The following PCDH15 variants were observed in gnomAD, a reference collection of about 807,000 sequenced individuals.
PCDH15 encodes the protein protocadherin related 15.
Under a neutral mutation model 178.5 loss-of-function variants are expected in PCDH15, and 129 were observed. That is an observed-to-expected ratio of 0.72 (90% CI 0.63 to 0.84). The LOEUF (loss-of-function observed/expected upper bound fraction) is 0.84, where lower values mean the gene tolerates loss of function less well. Ranked by LOEUF, PCDH15 falls within the 40% of genes least tolerant of loss-of-function variation. The pLI is 0.00. For synonymous variants in PCDH15, 800 were observed against 732.0 expected, an observed-to-expected ratio of 1.09 and a Z score of -1.50; for missense variants, 2,230 against 2,099.9, an observed-to-expected ratio of 1.06 and a Z score of -1.21.
intron 8 of PCDH15, among the ~76,000 whole-genome samples, chr10:54,276,926 A>G (rs1476646161): frequency 1.3e-5 from 2 of 151,674 alleles, no homozygotes; most frequent in African/African-American, 4.8e-5. Flanking sequence ...TATTTCTTGT[A>G]TCTACAAGTA....
chr10:55,531,379 A>G (rs1453257323), intron 2 of PCDH15, among the ~76,000 whole-genome samples: 1 of 152,010 alleles, frequency 6.6e-6, no homozygotes, highest in East Asian at 1.9e-4. Context: ...TTTCCTCATA[A>G]AAATAGGTAA....
chr10:54,755,947 G>T (rs112621875), intron 1 of PCDH15, among the ~76,000 whole-genome samples: 21,618 of 151,840 alleles, frequency 0.14, 1,655 homozygotes, highest in Middle Eastern at 0.21. Context: ...GAGACAAGGC[G>T]CGGTAGCTCA....
chr10:55,089,236 G>A lies in PCDH15; in HGVS notation c.-80+77340C>T, dbSNP rs139600961. On this transcript the variant is annotated intron_variant, in intron 2 of 5. Coordinates refer to the PCDH15 transcript ENST00000458638. Reference sequence around the variant, plus strand: ...CATGTTATTTCACAATACAATCATCGAATCACAACTTGGACCTAGTTTATA... The same window carrying A: ...CATGTTATTTCACAATACAATCATCAAATCACAACTTGGACCTAGTTTATA... 7.2e-4 allele frequency among the ~76,000 whole-genome samples: 109 copies of A among 152,108 alleles called. 1 individual carries two copies. The East Asian group carries it at 0.02, about 28-fold the overall frequency.
chr10:54,095,381 A>G (rs2094683426), intron 15 of PCDH15, among the ~76,000 whole-genome samples: 1 of 151,746 alleles, frequency 6.6e-6, no homozygotes, highest in Admixed American at 6.6e-5. Flanking sequence ...ATTTTGAAGT[A>G]AGTGTAAGTA....
At chr10:55,563,997 G>C (rs1250944925) in intron 2 of PCDH15, among the ~76,000 whole-genome samples, 3 of 151,764 alleles carry the variant, frequency 2.0e-5, no homozygotes, top group Non-Finnish European at 4.4e-5. Flanking sequence ...TCTCAGTAAA[G>C]GTAAACGCAT....
intron 2 of PCDH15, among the ~76,000 whole-genome samples, chr10:54,920,393 C>T (rs1291149357): frequency 2.2e-5 from 3 of 135,830 alleles, no homozygotes; most frequent in Admixed American, 8.3e-5. Context: ...GGCTTGAACC[C>T]GGGAGGCGGA....
chr10:54,388,475 A>G (rs931900318), intron 3 of PCDH15, among the ~76,000 whole-genome samples: 24 of 152,138 alleles, frequency 1.6e-4, no homozygotes, highest in Non-Finnish European at 5.9e-5. Flanking sequence ...ATAGCTATTC[A>G]GGAGAGGGCA....
intron 1 of PCDH15, among the ~76,000 whole-genome samples, chr10:54,720,118 T>C (rs1385128202): frequency 6.6e-6 from 1 of 152,098 alleles, no homozygotes; most frequent in East Asian, 1.9e-4. Context: ...AGTTCAACCA[T>C]TGTGGAAGAT....
At chr10:54,082,919 C>T (rs997522181) in intron 16 of PCDH15, among the ~76,000 whole-genome samples, 1 of 151,758 alleles carries the variant, frequency 6.6e-6, no homozygotes, top group African/African-American at 2.4e-5. Flanking sequence ...AAAAGAAATC[C>T]CAATTTAAAA....
chr10:54,901,486 A>C (rs1564616397), intron 2 of PCDH15, among the ~76,000 whole-genome samples: 1 of 152,190 alleles, frequency 6.6e-6, no homozygotes, highest in Non-Finnish European at 1.5e-5. Context: ...GGCAATATAC[A>C]TGCTAATAAT....
chr10:54,644,272 T>A (rs61855880), intron 2 of PCDH15, among the ~76,000 whole-genome samples: 136,692 of 148,710 alleles, frequency 0.92, 62,886 homozygotes, highest in Middle Eastern at 0.96. Context: ...TTAGAAGATG[T>A]AAAGCATATT....
At chr10:55,388,115 CA>C (rs1327512481) in intron 2 of PCDH15, among the ~76,000 whole-genome samples, 1 of 152,074 alleles carries the variant, frequency 6.6e-6, no homozygotes, top group Non-Finnish European at 1.5e-5. Flanking sequence ...CTTTTACTGA[CA>C]ATTTTCTCTT....
chr10:54,216,044 G>GAAAAAA (rs10648282), intron 9 of PCDH15, among the ~76,000 whole-genome samples: 63 of 70,358 alleles, frequency 9.0e-4, no homozygotes, highest in African/African-American at 1.9e-3. Flanking sequence ...CTCCGTCTCA[G>GAAAAAA]AAAAAAAAAA....
intron 2 of PCDH15, among the ~76,000 whole-genome samples, chr10:55,482,734 C>G (rs981036185): frequency 1.3e-5 from 2 of 151,758 alleles, no homozygotes; most frequent in East Asian, 3.9e-4. Flanking sequence ...GTCTTTCTCT[C>G]TAGCTGACCT....
intron 2 of PCDH15, among the ~76,000 whole-genome samples, chr10:54,982,184 G>A (rs142619295): frequency 0.011 from 1,723 of 152,136 alleles, 36 homozygotes; most frequent in Middle Eastern, 0.017. Flanking sequence ...ATAAAGAGAC[G>A]TAAAGTGATG....
intron 2 of PCDH15, among the ~76,000 whole-genome samples, chr10:55,139,981 A>G (rs1838303046): frequency 6.6e-6 from 1 of 151,858 alleles, no homozygotes; most frequent in Non-Finnish European, 1.5e-5. Context: ...GTAATCCTGT[A>G]TATGTTTTGC....
At chr10:54,318,869 T>C (rs2061429509) in intron 7 of PCDH15, among the ~76,000 whole-genome samples, 1 of 152,212 alleles carries the variant, frequency 6.6e-6, no homozygotes, top group South Asian at 2.1e-4. Flanking sequence ...GCTGAGGCTG[T>C]ATCTAGTCAG....
intron 6 of PCDH15, among the ~76,000 whole-genome samples, chr10:54,333,138 G>C (rs1218663608): frequency 1.3e-5 from 2 of 151,870 alleles, no homozygotes; most frequent in African/African-American, 4.8e-5. Context: ...AGTAGAGATG[G>C]GGTTTTAACA....
chr10:54,224,828 A>T (rs1306112574), intron 9 of PCDH15, among the ~76,000 whole-genome samples: 1 of 152,120 alleles, frequency 6.6e-6, no homozygotes, highest in South Asian at 2.1e-4. Context: ...TTCTAAATGC[A>T]AAAAGTAAAC....
Sources: gnomAD v4.1 joint callset for allele counts (sites outside exome capture counted in the v4.1 genomes callset) on GRCh38, gnomAD v4.1.1 for gene constraint, MANE v1.5 for transcripts, NCBI Gene and HGNC (gene_info 2026-07-23, HGNC 2026-07-21) for gene names.